The following PTPRA variants were observed in gnomAD, a reference collection of about 807,000 sequenced individuals.
PTPRA encodes receptor-type tyrosine-protein phosphatase alpha.
In PTPRA, 25 loss-of-function variants were observed where a neutral mutation model predicts 104.8. The ratio of observed to expected loss-of-function variants is 0.24; its 90% confidence interval spans 0.17 to 0.33. The LOEUF (loss-of-function observed/expected upper bound fraction) is 0.33. PTPRA is among the 10% of genes least tolerant of loss of function. The probability of loss-of-function intolerance (pLI) is 1.00; values close to 1 mark genes in which losing one functional copy is unlikely to be tolerated. For synonymous variants in PTPRA, 323 were observed against 368.9 expected (o/e 0.88, Z 1.43); for missense variants, 765 against 1,015.3 (o/e 0.75, Z 3.35).
At chr20:2,963,982 C>G (rs867929885) in intron 3 of PTPRA, among the ~76,000 whole-genome samples, 5 of 150,264 alleles carry the variant, frequency 3.3e-5, no homozygotes, top group African/African-American at 1.3e-4. Context: ...AGAGGCTGCA[C>G]TGAGCTATGA....
rs1387681798 is a variant in PTPRA at position 3,022,460 on chromosome 20, G to T, written c.1329-229G>T. Among the ~76,000 whole-genome samples, 1 of 152,216 alleles carries T rather than the reference G, an allele frequency of 6.6e-6. No individual in the cohort carries two copies. Among genetic ancestry groups the T allele is most frequent in the African/African-American group, 2.4e-5 (1 of 41,442 alleles). On this transcript the variant is annotated intron_variant, in intron 15 of 23. Transcript: ENST00000399903. This position sits in a 1 kb window ranked among gnomAD's most constrained non-coding sequence, Gnocchi z 4.6. The stretch of plus-strand genomic sequence containing the variant: ...GGGAGACCCTGCTATGAAGCCAAAA[G>T]ACTGGGTCAAGTGCTGGCCATGTAT...
At chr20:2,961,685 G>A (rs1032096690) in intron 3 of PTPRA, among the ~76,000 whole-genome samples, 5 of 152,028 alleles carry the variant, frequency 3.3e-5, no homozygotes, top group African/African-American at 7.2e-5. Context: ...AAAAGTTCTC[G>A]CCATACCCAA....
At chr20:2,919,319 A>G (rs1393841022) in intron 1 of PTPRA, among the ~76,000 whole-genome samples, 2 of 152,204 alleles carry the variant, frequency 1.3e-5, no homozygotes, top group East Asian at 3.8e-4. Flanking sequence ...TCCTCCCTTT[A>G]AACCTTACTA....
At chr20:2,937,127 CTTT>C (rs5839977) in intron 2 of PTPRA, among the ~76,000 whole-genome samples, 11 of 136,926 alleles carry the variant, frequency 8.0e-5, no homozygotes, top group African/African-American at 2.2e-4. Flanking sequence ...CTTTCTTCTT[CTTT>C]TTTTTTTTTT....
intron 9 of PTPRA, among the ~76,000 whole-genome samples, chr20:2,995,310 G>T (rs965800847): frequency 6.6e-6 from 1 of 152,140 alleles, no homozygotes; most frequent in African/African-American, 2.4e-5. Context: ...TAGAGACGGG[G>T]TCTTGTTGTG....
chr20:2,922,933 C>T (rs2147370064), intron 1 of PTPRA, among the ~76,000 whole-genome samples: 1 of 152,116 alleles, frequency 6.6e-6, no homozygotes, highest in Admixed American at 6.6e-5. Context: ...CCGCTCCTGG[C>T]TATTTTCTTT....
At chr20:2,981,263 A>T (rs758301471) in intron 6 of PTPRA, among the ~76,000 whole-genome samples, 1 of 152,214 alleles carries the variant, frequency 6.6e-6, no homozygotes, top group Non-Finnish European at 1.5e-5. Context: ...GTTTATGTTA[A>T]GAATCTTGAT....
intron 2 of PTPRA, among the ~76,000 whole-genome samples, chr20:2,923,957 C>A (rs567195584): frequency 6.6e-6 from 1 of 152,144 alleles, no homozygotes; most frequent in Non-Finnish European, 1.5e-5. Context: ...AAAACATACA[C>A]GTATCTAATA....
chr20:2,939,709 G>T (rs1226743461), intron 2 of PTPRA, among the ~76,000 whole-genome samples: 1 of 152,170 alleles, frequency 6.6e-6, no homozygotes, highest in Non-Finnish European at 1.5e-5. Flanking sequence ...TGTTGGGTCA[G>T]TCCTCATGTC....
At chr20:2,966,138 G>A (rs1347575619) in intron 5 of PTPRA, among the ~76,000 whole-genome samples, 1 of 152,082 alleles carries the variant, frequency 6.6e-6, no homozygotes, top group East Asian at 1.9e-4. Flanking sequence ...ATCTTTTACT[G>A]CGCCTTATAA....
At chr20:2,971,474 A>C (rs183463216) in intron 5 of PTPRA, among the ~76,000 whole-genome samples, 107 of 152,332 alleles carry the variant, frequency 7.0e-4, no homozygotes, top group Admixed American at 1.4e-3. Context: ...AATTTTCTTC[A>C]TTAATTTTTA....
At chr20:3,030,317 C>G (rs1317354734) in intron 20 of PTPRA, among the ~76,000 whole-genome samples, 1 of 152,102 alleles carries the variant, frequency 6.6e-6, no homozygotes, top group African/African-American at 2.4e-5. Context: ...GCCTCTCCCT[C>G]TGCCTTCCAC....
intron 20 of PTPRA, among the ~76,000 whole-genome samples, chr20:3,032,541 G>C (rs910497899): frequency 3.9e-5 from 6 of 152,054 alleles, no homozygotes; most frequent in African/African-American, 2.4e-5. Flanking sequence ...GCCAAGGTGG[G>C]CGGATCACAA....
At chr20:3,000,630 C>G (rs926286272) in intron 9 of PTPRA, among the ~76,000 whole-genome samples, 6 of 152,032 alleles carry the variant, frequency 3.9e-5, no homozygotes, top group Non-Finnish European at 1.5e-5. Context: ...TGTAAACAAC[C>G]CAAATATTCA....
chr20:2,952,526 C>T (rs1238162476), intron 3 of PTPRA, among the ~76,000 whole-genome samples: 1 of 151,808 alleles, frequency 6.6e-6, no homozygotes, highest in African/African-American at 2.4e-5. Context: ...GTTTGTTATT[C>T]TCATGTCTTT....
intron 9 of PTPRA, among the ~76,000 whole-genome samples, chr20:2,993,675 C>T (rs2063282114): frequency 6.6e-6 from 1 of 152,242 alleles, no homozygotes; most frequent in Non-Finnish European, 1.5e-5. Context: ...TTCTGTAGCA[C>T]TTAAGATCCT....
intron 2 of PTPRA, among the ~76,000 whole-genome samples, chr20:2,930,741 T>C (rs1227272950): frequency 6.6e-6 from 1 of 152,214 alleles, no homozygotes; most frequent in East Asian, 1.9e-4. Flanking sequence ...GGGCCCACAG[T>C]ACTCCAGAAT....
chr20:3,016,597 A>G (rs542925177), intron 12 of PTPRA, among the ~76,000 whole-genome samples: 16 of 152,312 alleles, frequency 1.1e-4, no homozygotes, highest in Admixed American at 2.6e-4. Flanking sequence ...AAAATTAGCC[A>G]GGCGTGGTGG....
chr20:3,010,875 A>G (rs573196738), intron 11 of PTPRA, among the ~76,000 whole-genome samples: 9 of 152,200 alleles, frequency 5.9e-5, no homozygotes, highest in Admixed American at 1.3e-4. Context: ...GGCACCTTCC[A>G]AGCCAGTGAA....
Sources: allele counts gnomAD v4.1 joint callset (sites outside exome capture counted in the v4.1 genomes callset), GRCh38; gene constraint gnomAD v4.1.1; non-coding constraint Gnocchi (gnomAD v3.1); transcripts MANE v1.5; gene names NCBI Gene and HGNC (gene_info 2026-07-23, HGNC 2026-07-21).